The following PTPRJ variants were observed in gnomAD, a reference collection of about 807,000 sequenced individuals.
PTPRJ encodes receptor-type tyrosine-protein phosphatase eta.
Under a neutral mutation model 141.3 loss-of-function variants are expected in PTPRJ, and 129 were observed. That is an observed-to-expected ratio of 0.91 (90% CI 0.79 to 1.06). The LOEUF is 1.06. Among genes scored for constraint, PTPRJ ranks in the 50% least tolerant of loss-of-function variants. The pLI is 0.00. For synonymous variants in PTPRJ, 610 were observed against 640.5 expected, an observed-to-expected ratio of 0.95 and a Z score of 0.72; for missense variants, 1,601 against 1,679.7, an observed-to-expected ratio of 0.95 and a Z score of 0.82.
At chr11:48,159,247 A>G (rs1388070648) in intron 21 of PTPRJ, among the ~76,000 whole-genome samples, 4 of 152,100 alleles carry the variant, frequency 2.6e-5, no homozygotes, top group Non-Finnish European at 5.9e-5. Flanking sequence ...CCAACTTTAT[A>G]GAAATCAAAG....
At chr11:48,123,433 T>TG (rs1410992110) in intron 4 of PTPRJ, among the ~76,000 whole-genome samples, 180 bp from the exon 5 acceptor site, 2 of 152,188 alleles carry the variant, frequency 1.3e-5, no homozygotes, top group Non-Finnish European at 2.9e-5. Flanking sequence ...ATGATGGAAA[T>TG]GCATTGGGCT....
At chr11:48,042,333 G>A (rs1854290705) in intron 1 of PTPRJ, among the ~76,000 whole-genome samples, 1 of 152,122 alleles carries the variant, frequency 6.6e-6, no homozygotes, top group Admixed American at 6.5e-5. Flanking sequence ...AACACTCTGT[G>A]TCCTGAATTG....
chr11:48,117,910 GGAACAATTAT>G (rs1396028306), intron 3 of PTPRJ, among the ~76,000 whole-genome samples: 2 of 151,860 alleles, frequency 1.3e-5, no homozygotes, highest in East Asian at 3.9e-4. Context: ...GAAATACAAA[GGAACAATTAT>G]GAACAATTAT....
chr11:48,067,151 C>T (rs1485261469), intron 1 of PTPRJ, among the ~76,000 whole-genome samples: 3 of 152,144 alleles, frequency 2.0e-5, no homozygotes, highest in Non-Finnish European at 2.9e-5. Context: ...CCTTTTTTCT[C>T]TCCTCTGGAG....
At chr11:48,130,028 G>T (rs1856932836) in intron 7 of PTPRJ, among the ~76,000 whole-genome samples, 1 of 151,624 alleles carries the variant, frequency 6.6e-6, no homozygotes, top group South Asian at 2.1e-4. Context: ...TAAAAATCTG[G>T]GTGGGTATGA....
intron 1 of PTPRJ, among the ~76,000 whole-genome samples, chr11:48,080,171 C>T (rs6485805): frequency 0.15 from 23,116 of 152,122 alleles, 1,963 homozygotes; most frequent in African/African-American, 0.21. Context: ...GATGAGAAAC[C>T]ACCCAAGGCC....
At chr11:48,107,140 T>C (rs1442648281) in intron 1 of PTPRJ, among the ~76,000 whole-genome samples, 1 of 151,866 alleles carries the variant, frequency 6.6e-6, no homozygotes. Context: ...TTTGGCTGAA[T>C]TGGGATGGTG....
At chr11:48,053,214 AATATATTAAAT>A (rs1854627451) in intron 1 of PTPRJ, among the ~76,000 whole-genome samples, 1 of 92,630 alleles carries the variant, frequency 1.1e-5, no homozygotes, top group African/African-American at 4.7e-5. Flanking sequence ...TATTATATAT[AATATATTAAAT>A]ATATTATATA....
rs191012650 is a variant in PTPRJ at position 48,167,413 on chromosome 11, G to A, written c.*51G>A. The A allele has an allele frequency of 3.0e-5, 47 of 1,557,344 alleles. No homozygotes were observed. The highest frequency in any genetic ancestry group is 2.0e-4 in the East Asian group (9 of 44,486). On this transcript the variant is annotated 3_prime_UTR_variant, in exon 25 of 25. Transcript: ENST00000418331. Reference sequence around the variant, plus strand: ...TGAACCAGACCGTCGCACCCACAGCGAAGGCACATGCCCCGATGTCGACAT... The same window carrying A: ...TGAACCAGACCGTCGCACCCACAGCAAAGGCACATGCCCCGATGTCGACAT...
rs553045718 is a variant in PTPRJ, at chr11:47,989,969, G to A, written c.96+8961G>A. 6.4e-4 allele frequency among the ~76,000 whole-genome samples: 98 copies of A among 152,262 alleles called. No homozygotes were observed. In the South Asian group the frequency reaches 0.019, roughly 30 times the overall value. On this transcript the variant is annotated intron_variant, in intron 1 of 24. Coordinates refer to ENST00000418331, the MANE Select transcript of PTPRJ (RefSeq NM_002843.4). ...GAGTACCTCTGACACAGGGTAGTTGGAGAAGCTAAGTGTGATCATATTATG... is the reference window on the plus strand; with the variant it reads ...GAGTACCTCTGACACAGGGTAGTTGAAGAAGCTAAGTGTGATCATATTATG...
intron 1 of PTPRJ, among the ~76,000 whole-genome samples, chr11:48,008,835 G>C (rs1854694032): frequency 6.6e-6 from 1 of 152,132 alleles, no homozygotes; most frequent in Non-Finnish European, 1.5e-5. Context: ...AAAGTGCTAG[G>C]ATTACAGTCG....
At chr11:48,157,030 G>A (rs776251348) in intron 21 of PTPRJ, among the ~76,000 whole-genome samples, 23 of 151,476 alleles carry the variant, frequency 1.5e-4, no homozygotes, top group South Asian at 8.3e-4. Flanking sequence ...TCACTCTGTC[G>A]CCAGGCTGGA....
Position 48,139,634 on chromosome 11 carries a change from C to T in PTPRJ, c.2301C>T (p.Ser767=). The T allele has an allele frequency of 6.2e-7, 1 of 1,614,250 alleles. No homozygotes were observed. Among genetic ancestry groups the T allele is most frequent in the Non-Finnish European group, 8.5e-7 (1 of 1,180,044 alleles). The change falls in exon 11 of 25, where the codon AGC becomes AGT. Residue 767 remains serine (S), a synonymous_variant. Transcript: ENST00000418331. ...GAWNNATHLE[S]CSSENGTEYR... ...GGAACAATGCGACCCACCTGGAGAG[C>T]TGCTCCTCTGAGAATGGCACTGAGT...
At chr11:48,097,576 T>G (rs1856042964) in intron 1 of PTPRJ, among the ~76,000 whole-genome samples, 1 of 152,076 alleles carries the variant, frequency 6.6e-6, no homozygotes. Flanking sequence ...CTCACTTTGT[T>G]GCATGGGCTG....
intron 8 of PTPRJ, among the ~76,000 whole-genome samples, chr11:48,134,565 A>C (rs1413714852): frequency 2.0e-5 from 3 of 152,228 alleles, no homozygotes; most frequent in Non-Finnish European, 2.9e-5. Flanking sequence ...TGGAGTAGAT[A>C]GTACGTAAAC....
At chr11:48,111,977 G>A (rs1418414109) in intron 2 of PTPRJ, among the ~76,000 whole-genome samples, 1 of 151,980 alleles carries the variant, frequency 6.6e-6, no homozygotes, top group Admixed American at 6.6e-5. Flanking sequence ...AAGCAGAGAG[G>A]GAGGAATCAG....
intron 1 of PTPRJ, among the ~76,000 whole-genome samples, chr11:48,100,035 C>A (rs565776509): frequency 7.1e-4 from 108 of 152,252 alleles, no homozygotes; most frequent in Non-Finnish European, 1.1e-3. Context: ...TGGGCTCCCA[C>A]CTAAACTCAG....
At chr11:48,043,756 G>T (rs1206743628) in intron 1 of PTPRJ, among the ~76,000 whole-genome samples, 1 of 152,200 alleles carries the variant, frequency 6.6e-6, no homozygotes, top group African/African-American at 2.4e-5. Flanking sequence ...GGTCTCTGAA[G>T]GGGCTAAGCC....
chr11:48,056,245 C>T (rs928009212), intron 1 of PTPRJ, among the ~76,000 whole-genome samples: 6 of 152,224 alleles, frequency 3.9e-5, no homozygotes, highest in African/African-American at 1.4e-4. Context: ...AATTGCTTTA[C>T]TTGATGCAGT....
Sources: gnomAD v4.1 joint callset for allele counts (sites outside exome capture counted in the v4.1 genomes callset) on GRCh38, gnomAD v4.1.1 for gene constraint, MANE v1.5 for transcripts, NCBI Gene and HGNC (gene_info 2026-07-23, HGNC 2026-07-21) for gene names.